The following TAOK3 variants were observed in gnomAD, a reference collection of about 807,000 sequenced individuals.
TAOK3 encodes serine/threonine-protein kinase TAO3.
TAOK3 carries 40 observed loss-of-function variants against 120.4 expected under a neutral mutation model. The observed-to-expected ratio is 0.33, with a 90% CI of 0.26 to 0.43. The LOEUF is 0.43. TAOK3 is among the 20% of genes least tolerant of loss of function. The probability of loss-of-function intolerance (pLI) is 1.00; values close to 1 mark genes in which losing one functional copy is unlikely to be tolerated. For missense variants in TAOK3, 821 were observed against 1,112.1 expected, an observed-to-expected ratio of 0.74 and a Z score of 3.72; for synonymous variants, 355 against 387.5, an observed-to-expected ratio of 0.92 and a Z score of 0.99.
At chr12:118,163,448 TG>T (rs1555209282) in intron 17 of TAOK3, among the ~76,000 whole-genome samples, 3,037 of 123,930 alleles carry the variant, frequency 0.025, 94 homozygotes, top group East Asian at 0.075. Flanking sequence ...ACTTTTTTTT[TG>T]GGGGGGGTGG....
chr12:118,240,900 C>T (rs947356441), intron 5 of TAOK3, among the ~76,000 whole-genome samples: 8 of 151,174 alleles, frequency 5.3e-5, no homozygotes, highest in Admixed American at 6.6e-5. Context: ...ATGTACCTTG[C>T]ATTACTGAGA....
chr12:118,290,656 C>A (rs2042436656), intron 1 of TAOK3, among the ~76,000 whole-genome samples: 1 of 152,206 alleles, frequency 6.6e-6, no homozygotes, highest in African/African-American at 2.4e-5. Flanking sequence ...ACCTCCGCCT[C>A]CTGGGTTCAA....
chr12:118,275,105 T>G (rs1218781563), intron 1 of TAOK3, among the ~76,000 whole-genome samples: 1 of 152,184 alleles, frequency 6.6e-6, no homozygotes, highest in Non-Finnish European at 1.5e-5. Context: ...ATCTTCATTT[T>G]GCACTATAAC....
At chr12:118,364,389 T>G (rs1391625815) in intron 1 of TAOK3, among the ~76,000 whole-genome samples, 1 of 151,958 alleles carries the variant, frequency 6.6e-6, no homozygotes, top group African/African-American at 2.4e-5. Flanking sequence ...AGGTATAAAG[T>G]GGAAGATGTT....
At position 118,153,742 on chromosome 12, in the gene TAOK3, A is replaced by T. The variant is rs182059078; in HGVS notation, c.2353-1333T>A. On this transcript the variant is annotated intron_variant, in intron 19 of 20. Coordinates refer to ENST00000392533, the MANE Select transcript of TAOK3 (RefSeq NM_016281.4). ...GTGTTTCCTTATTGACCACTTTTCC[A>T]AGATACTTATTCTCCACCTTATGTA... Among the ~76,000 whole-genome samples, 202 of 152,300 alleles carry T rather than the reference A, an allele frequency of 1.3e-3. 1 individual carries two copies. Among genetic ancestry groups the T allele is most frequent in the African/African-American group, 4.7e-3 (195 of 41,572 alleles).
At chr12:118,297,870 G>A (rs1219726760) in intron 1 of TAOK3, among the ~76,000 whole-genome samples, 5 of 152,142 alleles carry the variant, frequency 3.3e-5, no homozygotes. Context: ...AGGCTGAAGC[G>A]ATCCTTCCGG....
At chr12:118,206,398 T>C (rs1384560478) in intron 11 of TAOK3, among the ~76,000 whole-genome samples, 3 of 152,210 alleles carry the variant, frequency 2.0e-5, no homozygotes, top group Non-Finnish European at 2.9e-5. Context: ...CACTGTCTCT[T>C]AGATAAAGTG....
chr12:118,217,066 AG>A (rs1233736032), intron 9 of TAOK3, among the ~76,000 whole-genome samples: 1 of 152,180 alleles, frequency 6.6e-6, no homozygotes, highest in African/African-American at 2.4e-5. Flanking sequence ...TAGTTTCATC[AG>A]AGCACCTTAG....
intron 1 of TAOK3, among the ~76,000 whole-genome samples, chr12:118,351,831 G>GTAAAAT (rs1205587203): frequency 7.7e-6 from 1 of 129,152 alleles, no homozygotes; most frequent in Admixed American, 7.6e-5. Context: ...TCTTGGTTGT[G>GTAAAAT]TAAAATTAAA....
At chr12:118,189,690 C>T in intron 14 of TAOK3, 117 bp downstream of exon 14, 1 of 1,224,610 alleles carries the variant, frequency 8.2e-7, no homozygotes, top group Non-Finnish European at 1.1e-6. Context: ...AGAGAGAAAA[C>T]ATTCTTGACT....
In TAOK3 at chr12:118,336,734, C is replaced by T. The variant is rs189093092; in HGVS notation, c.-194+35914G>A. 1.6e-4 allele frequency among the ~76,000 whole-genome samples: 24 copies of T among 152,246 alleles called. No homozygotes were observed. The East Asian group carries it at 4.6e-3, about 29-fold the overall frequency. On this transcript the variant is annotated intron_variant, in intron 1 of 20. Coordinates refer to ENST00000392533, the MANE Select transcript of TAOK3 (RefSeq NM_016281.4). ...TAGTATGTAAAAAATATCAAAAACT[C>T]AAAACCCAACAGTAAATTACAGCAA... is the stretch of plus-strand genomic sequence containing the variant.
intron 1 of TAOK3, among the ~76,000 whole-genome samples, chr12:118,290,466 G>A (rs2042430515): frequency 6.6e-6 from 1 of 152,170 alleles, no homozygotes; most frequent in African/African-American, 2.4e-5. Flanking sequence ...TTATGCTCCT[G>A]TAGAAGTGTA....
intron 1 of TAOK3, among the ~76,000 whole-genome samples, chr12:118,276,344 G>A (rs773804351): frequency 6.6e-6 from 1 of 152,130 alleles, no homozygotes; most frequent in Non-Finnish European, 1.5e-5. Flanking sequence ...AAGAAAGAGA[G>A]GAGTCAAAGA....
chr12:118,262,181 G>A lies in TAOK3; in HGVS notation c.-89+4474C>T, dbSNP rs531355944. ...TGGCCTGAAATGATTATGTCTCTAT[G>A]TATAAATAAATGAAAATCAAGGCCA... On this transcript the variant is annotated intron_variant, in intron 2 of 20. Coordinates refer to ENST00000392533, the MANE Select transcript of TAOK3 (RefSeq NM_016281.4). 1.5e-4 allele frequency among the ~76,000 whole-genome samples: 23 copies of A among 150,548 alleles called. No homozygotes were observed. In the South Asian group the frequency reaches 5.1e-3, roughly 33 times the overall value.
In TAOK3 at chr12:118,287,366, G is replaced by A. The variant is rs576097627; in HGVS notation, c.-193-20607C>T. Among the ~76,000 whole-genome samples the A allele has an allele frequency of 3.3e-5, 5 of 152,218 alleles. No homozygotes were observed. In the South Asian group the frequency reaches 1.0e-3, roughly 32 times the overall value. On this transcript the variant is annotated intron_variant, in intron 1 of 20. Coordinates refer to ENST00000392533, the MANE Select transcript of TAOK3 (RefSeq NM_016281.4). ...CCTCCCAGGTTCAGGCAATTCTCCT[G>A]CCTCAGCCTCCAAGTAGCTGGGATT...
chr12:118,310,054 C>G (rs988278180), intron 1 of TAOK3, among the ~76,000 whole-genome samples: 1 of 152,050 alleles, frequency 6.6e-6, no homozygotes, highest in Non-Finnish European at 1.5e-5. Flanking sequence ...GCAGGCAGAT[C>G]GCTTGAGCCC....
chr12:118,310,535 C>A (rs1250467176), intron 1 of TAOK3, among the ~76,000 whole-genome samples: 28 of 152,168 alleles, frequency 1.8e-4, no homozygotes. Context: ...AGCAATATTA[C>A]ATCTGTTCCA....
chr12:118,323,945 T>C (rs1413315180), intron 1 of TAOK3, among the ~76,000 whole-genome samples: 2 of 152,258 alleles, frequency 1.3e-5, no homozygotes, highest in East Asian at 3.9e-4. Flanking sequence ...AATGAAGCAA[T>C]TGTTTACCCT....
At chr12:118,178,806 G>A (rs976441629) in intron 15 of TAOK3, among the ~76,000 whole-genome samples, 5 of 152,060 alleles carry the variant, frequency 3.3e-5, no homozygotes, top group Non-Finnish European at 7.3e-5. Flanking sequence ...CATTTTTTGG[G>A]GTCCTAAATG....
Sources: gnomAD v4.1 joint callset for allele counts (sites outside exome capture counted in the v4.1 genomes callset) on GRCh38, gnomAD v4.1.1 for gene constraint, MANE v1.5 for transcripts, NCBI Gene and HGNC (gene_info 2026-07-23, HGNC 2026-07-21) for gene names.